The following DST variants were observed in gnomAD, a reference collection of about 807,000 sequenced individuals.
DST encodes the protein bullous pemphigoid antigen.
A neutral mutation model predicts 875.2 loss-of-function variants in DST; 253 were observed. The observed-to-expected ratio is 0.29, with a 90% CI of 0.26 to 0.32. The LOEUF (loss-of-function observed/expected upper bound fraction) is 0.32. Among genes scored for constraint, DST ranks in the 10% least tolerant of loss-of-function variants. The pLI, the probability that DST is intolerant of heterozygous loss-of-function variation, is 1.00. For synonymous variants in DST, 3,124 were observed against 3,197.1 expected (o/e 0.98, Z 0.77); for missense variants, 8,287 against 9,111.6 (o/e 0.91, Z 3.68).
chr6:56,663,929 C>A (rs1314054301), intron 10 of DST, among the ~76,000 whole-genome samples: 1 of 151,902 alleles, frequency 6.6e-6, no homozygotes, highest in Non-Finnish European at 1.5e-5. Context: ...GAAAAGACTG[C>A]CAGGGACATT....
intron 5 of DST, among the ~76,000 whole-genome samples, chr6:56,719,729 AAG>A (rs2099407543): frequency 6.6e-6 from 1 of 152,198 alleles, no homozygotes; most frequent in African/African-American, 2.4e-5. Flanking sequence ...CAGAGTACAA[AAG>A]AGAGAAATTT....
intron 3 of DST, among the ~76,000 whole-genome samples, chr6:56,856,941 T>C (rs1226780173): frequency 1.3e-5 from 2 of 152,222 alleles, no homozygotes; most frequent in African/African-American, 4.8e-5. Flanking sequence ...TAAGTATTCA[T>C]TGGTCTACTC....
intron 47 of DST, among the ~76,000 whole-genome samples, chr6:56,597,501 T>A (rs1483911859): frequency 2.0e-5 from 3 of 152,200 alleles, no homozygotes; most frequent in African/African-American, 7.2e-5. Context: ...TAACTATTAT[T>A]ATTAAATCTT....
intron 3 of DST, among the ~76,000 whole-genome samples, chr6:56,862,269 AG>A (rs2127593975): frequency 6.6e-6 from 1 of 152,238 alleles, no homozygotes; most frequent in Admixed American, 6.5e-5. Context: ...TCTCATTTTA[AG>A]GCTGCTTTGA....
intron 15 of DST, among the ~76,000 whole-genome samples, chr6:56,645,132 G>C (rs1172553162): frequency 6.6e-6 from 1 of 152,178 alleles, no homozygotes; most frequent in African/African-American, 2.4e-5. Flanking sequence ...CCCAGTCTCA[G>C]ATATGTCTTT....
chr6:56,924,764 C>T (rs1242672947), intron 2 of DST, among the ~76,000 whole-genome samples: 1 of 151,848 alleles, frequency 6.6e-6, no homozygotes, highest in Non-Finnish European at 1.5e-5. Context: ...TCACAAGAAG[C>T]CCATACTTCT....
intron 9 of DST, among the ~76,000 whole-genome samples, chr6:56,678,453 T>C (rs2099141126): frequency 6.6e-6 from 1 of 152,220 alleles, no homozygotes; most frequent in South Asian, 2.1e-4. Context: ...AGAAACATAA[T>C]TTTTTCTTCA....
At position 56,561,464 on chromosome 6, in the gene DST, T is replaced by C; in HGVS notation, c.14154A>G (p.Glu4718=). ...LGLLLKDKIA[E]LNTKLSKLQK... ...GCAATTTGGAGAGTTTAGTGTTCAG[T>C]TCCGCTATTTTGTCCTTGAGTAAGA... The change falls in exon 57 of 104, where the codon GAA becomes GAG. Residue 4718 remains glutamate, a synonymous_variant. Transcript: ENST00000680361. 3.1e-6 allele frequency: 5 copies of C among 1,613,878 alleles called. No homozygotes were observed. Among genetic ancestry groups the C allele is most frequent in the Non-Finnish European group, 4.2e-6 (5 of 1,179,792 alleles).
At chr6:56,726,474 G>A (rs1374684956) in intron 5 of DST, among the ~76,000 whole-genome samples, 1 of 152,144 alleles carries the variant, frequency 6.6e-6, no homozygotes, top group Non-Finnish European at 1.5e-5. Flanking sequence ...TAGTAACTTA[G>A]GGCAAATTAA....
At chr6:56,784,387 C>T (rs989840487) in intron 4 of DST, among the ~76,000 whole-genome samples, 1 of 152,228 alleles carries the variant, frequency 6.6e-6, no homozygotes, top group African/African-American at 2.4e-5. Context: ...TTGGTCTTTT[C>T]ACATAGTCCC....
chr6:56,749,868 C>T (rs529289972), intron 4 of DST, among the ~76,000 whole-genome samples: 69 of 152,270 alleles, frequency 4.5e-4, no homozygotes, highest in African/African-American at 1.6e-3. Flanking sequence ...CTTAAAGTTG[C>T]TTATTTAACT....
At chr6:56,931,677 T>C (rs1180003273) in intron 2 of DST, among the ~76,000 whole-genome samples, 1 of 152,244 alleles carries the variant, frequency 6.6e-6, no homozygotes, top group East Asian at 1.9e-4. Flanking sequence ...CAGTGTGACC[T>C]GGATGTGAGA....
chr6:56,600,245 A>C (rs2152701512), intron 44 of DST, 24 bp from the exon 45 acceptor site: 1 of 1,604,500 alleles, frequency 6.2e-7, no homozygotes, highest in Middle Eastern at 1.7e-4. Flanking sequence ...AACCCAAAAC[A>C]TCTTAAATGT....
chr6:56,464,591 A>C, intron 100 of DST, 94 bp downstream of exon 100: 2 of 905,658 alleles, frequency 2.2e-6, no homozygotes, highest in East Asian at 2.6e-5. Context: ...CGATGGATGA[A>C]GCATGTTATT....
chr6:56,923,334 A>G (rs1805212446), intron 2 of DST, among the ~76,000 whole-genome samples: 1 of 152,044 alleles, frequency 6.6e-6, no homozygotes, highest in African/African-American at 2.4e-5. Flanking sequence ...AGGAAGTTTT[A>G]TTTGGGACTT....
chr6:56,892,367 A>G (rs1788011846), intron 3 of DST, among the ~76,000 whole-genome samples: 1 of 139,692 alleles, frequency 7.2e-6, no homozygotes, highest in African/African-American at 2.8e-5. Flanking sequence ...TCTGTCACTC[A>G]GGCTGGAGTA....
intron 3 of DST, among the ~76,000 whole-genome samples, chr6:56,857,507 T>C (rs1027422127): frequency 6.6e-6 from 1 of 152,322 alleles, no homozygotes; most frequent in South Asian, 2.1e-4. Context: ...CAAAGAAAGA[T>C]GACCTGCTTG....
intron 2 of DST, among the ~76,000 whole-genome samples, chr6:56,952,332 T>G (rs1822778290): frequency 6.6e-6 from 1 of 152,254 alleles, no homozygotes; most frequent in Admixed American, 6.5e-5. Flanking sequence ...ATTATTATTC[T>G]TGTTCTATCA....
chr6:56,560,586 C>T, intron 57 of DST, 163 bp from the exon 58 acceptor site: 2 of 645,274 alleles, frequency 3.1e-6, no homozygotes, highest in Non-Finnish European at 5.1e-6. Context: ...TTCCTTTCCT[C>T]TTCTTAGCTA....
Sources: gnomAD v4.1 joint callset for allele counts (sites outside exome capture counted in the v4.1 genomes callset) on GRCh38, gnomAD v4.1.1 for gene constraint, MANE v1.5 for transcripts, NCBI Gene and HGNC (gene_info 2026-07-23, HGNC 2026-07-21) for gene names.